Variants in TAFA4 observed in about 807,000 individuals in gnomAD.
TAFA4 encodes the protein chemokine-like protein TAFA-4.
In TAFA4, 20 loss-of-function variants were observed where a neutral mutation model predicts 21.1. That is an observed-to-expected ratio of 0.95 (90% CI 0.67 to 1.38). TAFA4 has a LOEUF of 1.38. TAFA4 is among the 40% of genes most tolerant of loss of function. TAFA4 has a pLI of 0.00. For missense variants in TAFA4, 211 were observed against 180.9 expected, an observed-to-expected ratio of 1.17 and a Z score of -0.95; for synonymous variants, 71 against 67.4, an observed-to-expected ratio of 1.05 and a Z score of -0.26.
chr3:68,847,900 T>G (rs1245323759), intron 3 of TAFA4, among the ~76,000 whole-genome samples: 1 of 152,190 alleles, frequency 6.6e-6, no homozygotes, highest in Non-Finnish European at 1.5e-5. Flanking sequence ...GTGAAATAAA[T>G]CCATGCAGAA....
rs1441792835 is a variant in TAFA4 at position 68,747,955 on chromosome 3, A to G, written c.286+4908T>C. Among the ~76,000 whole-genome samples, 9 of 152,190 alleles carry G rather than the reference A, an allele frequency of 5.9e-5. No individual in the cohort carries two copies. The East Asian group carries it at 1.7e-3, about 29-fold the overall frequency. On this transcript the variant is annotated intron_variant, in intron 4 of 5. Coordinates refer to ENST00000295569, the MANE Select transcript of TAFA4 (RefSeq NM_182522.5). ...CCGAGTTAGCCCCACTCACTCTCAT[A>G]TGCTTCGTGCTGCCTTGTTCCCTGA...
chr3:68,853,261 C>T (rs1184707619), intron 3 of TAFA4, among the ~76,000 whole-genome samples: 1 of 151,890 alleles, frequency 6.6e-6, no homozygotes, highest in East Asian at 1.9e-4. Context: ...TGCTAGTATT[C>T]TAAAAATAAA....
At chr3:68,841,960 G>T (rs1358896852) in intron 3 of TAFA4, among the ~76,000 whole-genome samples, 2 of 152,124 alleles carry the variant, frequency 1.3e-5, no homozygotes, top group Admixed American at 1.3e-4. Context: ...TGAGTATTTG[G>T]GTTGGTTCCA....
At chr3:68,912,658 G>A (rs976758307) in intron 1 of TAFA4, among the ~76,000 whole-genome samples, 1 of 152,164 alleles carries the variant, frequency 6.6e-6, no homozygotes, top group African/African-American at 2.4e-5. Context: ...AAACCGGGAG[G>A]ACCAAGGTGC....
chr3:68,930,232 A>G (rs2107040152), intron 1 of TAFA4, among the ~76,000 whole-genome samples: 1 of 152,350 alleles, frequency 6.6e-6, no homozygotes, highest in South Asian at 2.1e-4. Context: ...GTGACCTAGG[A>G]TATTCTAGTA....
At chr3:68,919,838 G>A (rs1428639558) in intron 1 of TAFA4, among the ~76,000 whole-genome samples, 1 of 152,154 alleles carries the variant, frequency 6.6e-6, no homozygotes, top group Admixed American at 6.5e-5. Flanking sequence ...ATAATGATAA[G>A]AGACTTTCTG....
chr3:68,809,587 T>G (rs944102812), intron 3 of TAFA4, among the ~76,000 whole-genome samples: 1 of 152,020 alleles, frequency 6.6e-6, no homozygotes, highest in Admixed American at 6.5e-5. Flanking sequence ...TTTCTATTTT[T>G]TCTTTTGTTG....
intron 3 of TAFA4, among the ~76,000 whole-genome samples, chr3:68,837,204 T>C (rs1704544749): frequency 6.6e-6 from 1 of 152,256 alleles, no homozygotes; most frequent in Non-Finnish European, 1.5e-5. Flanking sequence ...ACTCTGGCTC[T>C]AATCTCTTGC....
rs533562186 is a variant in TAFA4 at position 68,909,786 on chromosome 3, G to C, written c.-123+22454C>G. On this transcript the variant is annotated intron_variant, in intron 1 of 5. Transcript: ENST00000295569. ...GATTATATGCACTTAGTGACTTCAA[G>C]TAATATACATTTGTTATCTCACAGT... Among the ~76,000 whole-genome samples the C allele has an allele frequency of 3.9e-4, 59 of 152,314 alleles. No individual in the cohort carries two copies. The South Asian group carries it at 5.2e-3, about 13-fold the overall frequency.
intron 1 of TAFA4, among the ~76,000 whole-genome samples, chr3:68,901,181 C>T (rs985758214): frequency 1.3e-5 from 2 of 152,040 alleles, no homozygotes; most frequent in African/African-American, 4.8e-5. Flanking sequence ...CACAGATGCA[C>T]ACAAAACAGA....
chr3:68,877,570 C>A (rs2089565233), intron 3 of TAFA4, among the ~76,000 whole-genome samples: 4 of 152,098 alleles, frequency 2.6e-5, no homozygotes, highest in South Asian at 2.1e-4. Context: ...TCAAGGCCAG[C>A]AAATAAAAGG....
At chr3:68,875,916 T>G (rs1345057371) in intron 3 of TAFA4, among the ~76,000 whole-genome samples, 1 of 146,662 alleles carries the variant, frequency 6.8e-6, no homozygotes, top group East Asian at 1.9e-4. Context: ...GTCATTTGTT[T>G]TAAAAAAAAA....
At chr3:68,881,761 G>A (rs1442624263) in intron 2 of TAFA4, among the ~76,000 whole-genome samples, 5 of 152,098 alleles carry the variant, frequency 3.3e-5, no homozygotes, top group East Asian at 3.9e-4. Context: ...CTTATGGGCC[G>A]ACAATAAAAA....
intron 1 of TAFA4, among the ~76,000 whole-genome samples, chr3:68,931,438 A>C (rs935711550): frequency 6.6e-6 from 1 of 152,156 alleles, no homozygotes; most frequent in East Asian, 1.9e-4. Context: ...AAAACGCACC[A>C]GCGGCACTGT....
intron 3 of TAFA4, among the ~76,000 whole-genome samples, chr3:68,848,435 T>C (rs116158446): frequency 0.015 from 2,223 of 152,282 alleles, 50 homozygotes; most frequent in African/African-American, 0.051. Context: ...AAGATATAAC[T>C]GGAGTTTCCT....
At chr3:68,796,192 T>C (rs1288232969) in intron 3 of TAFA4, among the ~76,000 whole-genome samples, 14 of 152,160 alleles carry the variant, frequency 9.2e-5, no homozygotes. Context: ...ATAAACCACT[T>C]GCTGGTTGCA....
chr3:68,830,183 C>T (rs1232679640), intron 3 of TAFA4, among the ~76,000 whole-genome samples: 1 of 152,096 alleles, frequency 6.6e-6, no homozygotes, highest in Non-Finnish European at 1.5e-5. Flanking sequence ...GTGTCTCTAT[C>T]TCCTTCAGTT....
chr3:68,757,250 A>G (rs1051779915), intron 3 of TAFA4, among the ~76,000 whole-genome samples: 8 of 152,114 alleles, frequency 5.3e-5, no homozygotes, highest in Non-Finnish European at 1.0e-4. Flanking sequence ...GTGTCCTCAC[A>G]TGGAGGACAG....
intron 3 of TAFA4, among the ~76,000 whole-genome samples, chr3:68,845,890 A>G (rs1260860394): frequency 1.3e-5 from 2 of 152,182 alleles, no homozygotes; most frequent in African/African-American, 2.4e-5. Flanking sequence ...ATCCGCTGTT[A>G]GTCTGATGGT....
Sources: gnomAD v4.1 joint callset for allele counts (sites outside exome capture counted in the v4.1 genomes callset) on GRCh38, gnomAD v4.1.1 for gene constraint, MANE v1.5 for transcripts, NCBI Gene and HGNC (gene_info 2026-07-23, HGNC 2026-07-21) for gene names.